Variants in DUSP4 observed in about 807,000 individuals in gnomAD.
The protein encoded by DUSP4 is dual specificity protein phosphatase 4.
In DUSP4, 12 loss-of-function variants were observed where a neutral mutation model predicts 27.2. The ratio of observed to expected loss-of-function variants is 0.44; its 90% confidence interval spans 0.28 to 0.71. The LOEUF (loss-of-function observed/expected upper bound fraction) is 0.71. Among genes scored for constraint, DUSP4 ranks in the 30% least tolerant of loss-of-function variants. The probability of loss-of-function intolerance (pLI) is 0.14; values close to 1 mark genes in which losing one functional copy is unlikely to be tolerated. For synonymous variants in DUSP4, 257 were observed against 245.2 expected, an observed-to-expected ratio of 1.05 and a Z score of -0.45; for missense variants, 448 against 551.3, an observed-to-expected ratio of 0.81 and a Z score of 1.88.
In DUSP4 at chr8:29,337,387, C is replaced by A; in HGVS notation, c.824G>T (p.Arg275Leu). 6.2e-7 allele frequency: 1 copy of A among 1,607,836 alleles called. No individual in the cohort carries two copies. The highest frequency in any genetic ancestry group is 8.5e-7 in the Non-Finnish European group (1 of 1,179,266). ...GCCCGCCTGGCAGTGCACCAGCACGCGCCCACGGCAGTCCTTCACGGCATC... is the reference window on the plus strand; with the variant it reads ...GCCCGCCTGGCAGTGCACCAGCACGAGCCCACGGCAGTCCTTCACGGCATC... Reference protein sequence around the residue: ...YIDAVKDCRGRVLVHCQAGIS... With the variant: ...YIDAVKDCRGLVLVHCQAGIS... The change falls in exon 4 of 4, where the codon CGC becomes CTC. Residue 275 changes from arginine (R) to leucine (L), a missense_variant. By Grantham distance (102) the Arg-to-Leu change is moderately radical. Transcript: ENST00000240100. The surrounding 1 kb of genome is among the most constrained non-coding windows in gnomAD (Gnocchi z 6.4).
chr8:29,335,228 C>T lies in DUSP4; in HGVS notation c.*1798G>A, dbSNP rs1817553577. 1 of 150,660 alleles carries T rather than the reference C, an allele frequency of 6.6e-6. No homozygotes were observed. The highest frequency in any genetic ancestry group is 1.5e-5 in the Non-Finnish European group (1 of 67,698). The allele number at this position is 150,660 out of a possible 1,614,324, so 9.3% of individuals were successfully genotyped here. A position where few individuals can be genotyped will look rare whatever the true frequency, so the allele number is the denominator to read the frequency against. ...CTCCCTCCCCCCCAAACCCTCCCCACAGAAAACGTGTCTCCCTCCAAAGCC... is the reference window on the plus strand; with the variant it reads ...CTCCCTCCCCCCCAAACCCTCCCCATAGAAAACGTGTCTCCCTCCAAAGCC... On this transcript the variant is annotated 3_prime_UTR_variant, in exon 4 of 4. Coordinates refer to ENST00000240100, the MANE Select transcript of DUSP4 (RefSeq NM_001394.7).
chr8:29,348,358 G>C (rs568879656), intron 1 of DUSP4: 2 of 985,676 alleles, frequency 2.0e-6, no homozygotes, highest in African/African-American at 1.7e-5. Flanking sequence ...ACCTGGCCCC[G>C]CTCAGCCGCC....
At position 29,337,104 on chromosome 8, in the gene DUSP4, C is replaced by A; in HGVS notation, c.1107G>T (p.Pro369=). ...GGGCCGAGTGCACGCCCACGGAGAC[C>A]GGAAAGCTGAAGACGAACTGCGAGG... ...TPTSQFVFSF[P]VSVGVHSAPS... Residue 369 remains proline (P), a synonymous_variant, in exon 4 of 4, where the codon CCG becomes CCT. Coordinates refer to ENST00000240100, the MANE Select transcript of DUSP4 (RefSeq NM_001394.7). This position sits in a 1 kb window ranked among gnomAD's most constrained non-coding sequence, Gnocchi z 6.4. 1 of 1,610,226 alleles carries A rather than the reference C, an allele frequency of 6.2e-7. No individual in the cohort carries two copies. The highest frequency in any genetic ancestry group is 8.5e-7 in the Non-Finnish European group (1 of 1,178,364).
At position 29,343,147 on chromosome 8, in the gene DUSP4, G is replaced by A. The variant is rs531402437; in HGVS notation, c.434-2904C>T. On this transcript the variant is annotated intron_variant, in intron 1 of 3. Coordinates refer to ENST00000240100, the MANE Select transcript of DUSP4 (RefSeq NM_001394.7). Reference sequence around the variant, plus strand: ...CGCGCCACTGCATTCCAGCCTGGGCGTCAGAGCGAGACTCCATCTCAAAAA... The same window carrying A: ...CGCGCCACTGCATTCCAGCCTGGGCATCAGAGCGAGACTCCATCTCAAAAA... 2.4e-3 allele frequency among the ~76,000 whole-genome samples: 321 copies of A among 134,642 alleles called. 6 individuals carry two copies. The highest frequency in any genetic ancestry group is 3.7e-3 in the Non-Finnish European group (243 of 66,014). 88.3% of individuals were successfully genotyped at this position (134,642 alleles called of 152,430 possible). A position where few individuals can be genotyped will look rare whatever the true frequency, so the allele number is the denominator to read the frequency against.
intron 1 of DUSP4, chr8:29,345,292 T>C (rs1817714462): frequency 6.5e-7 from 1 of 1,548,364 alleles, no homozygotes; most frequent in South Asian, 1.2e-5. Context: ...GGAACTCTAC[T>C]TTATGTGACT....
At chr8:29,347,677 C>T (rs935842650) in intron 1 of DUSP4, 5 of 895,730 alleles carry the variant, frequency 5.6e-6, no homozygotes, top group Admixed American at 1.2e-4. Context: ...TCTCCCTGCC[C>T]GCGTCGGGGC....
chr8:29,337,125 C>T lies in DUSP4; in HGVS notation c.1086G>A (p.Ser362=), dbSNP rs151032013. The T allele has an allele frequency of 1.3e-4, 213 of 1,610,574 alleles. No individual in the cohort carries two copies. In the African/African-American group the frequency reaches 2.6e-3, roughly 19 times the overall value. Residue 362 remains serine, a synonymous_variant, in exon 4 of 4, where the codon TCG becomes TCA. Coordinates refer to ENST00000240100, the MANE Select transcript of DUSP4 (RefSeq NM_001394.7). This position sits in a 1 kb window ranked among gnomAD's most constrained non-coding sequence, Gnocchi z 6.4. ...AGACCGGAAAGCTGAAGACGAACTG[C>T]GAGGTGGGGGTGGCGGGGGTCTTGC... ...ERGKTPATPT[S]QFVFSFPVSV...
At chr8:29,346,791 G>T (rs1343153192) in intron 1 of DUSP4, among the ~76,000 whole-genome samples, 1 of 152,214 alleles carries the variant, frequency 6.6e-6, no homozygotes, top group African/African-American at 2.4e-5. Context: ...GGAGTAACCA[G>T]TTCAACGTGG....
At position 29,335,074 on chromosome 8, in the gene DUSP4, G is replaced by A. The variant is rs949411569; in HGVS notation, c.*1952C>T. 4 of 151,892 alleles carry A rather than the reference G, an allele frequency of 2.6e-5. No individual in the cohort carries two copies. The highest frequency in any genetic ancestry group is 9.7e-5 in the African/African-American group (4 of 41,180). 9.4% of individuals were successfully genotyped at this position (151,892 alleles called of 1,614,324 possible). A position where few individuals can be genotyped will look rare whatever the true frequency, so the allele number is the denominator to read the frequency against. On this transcript the variant is annotated 3_prime_UTR_variant, in exon 4 of 4. Coordinates refer to ENST00000240100, the MANE Select transcript of DUSP4 (RefSeq NM_001394.7). The stretch of plus-strand genomic sequence containing the variant: ...TGAGCAAGAATGTTCATTAGATGTA[G>A]ACTCTCAAAGGGCTAAAAAAAACCA...
intron 1 of DUSP4, among the ~76,000 whole-genome samples, chr8:29,340,619 TAG>T (rs150457839): frequency 0.035 from 5,338 of 152,186 alleles, 118 homozygotes; most frequent in Middle Eastern, 0.051. Flanking sequence ...TAAGTACCTG[TAG>T]AGACACCTGC....
intron 1 of DUSP4, chr8:29,345,433 T>C: frequency 6.2e-7 from 1 of 1,614,100 alleles, no homozygotes; most frequent in Non-Finnish European, 8.5e-7. Flanking sequence ...AACGCCATGC[T>C]GGGGGCTCGA....
chr8:29,340,918 G>T lies in DUSP4; in HGVS notation c.434-675C>A, dbSNP rs184437668. Among the ~76,000 whole-genome samples the T allele has an allele frequency of 1.9e-3, 286 of 152,250 alleles. 3 individuals are homozygous for T. The highest frequency in any genetic ancestry group is 8.5e-3 in the South Asian group (41 of 4,818). ...TCTGTGGGATCATCTTCCAGAGAAGGGAGATCTTTTAAATAAAAAAAGAAG... is the reference window on the plus strand; with the variant it reads ...TCTGTGGGATCATCTTCCAGAGAAGTGAGATCTTTTAAATAAAAAAAGAAG... On this transcript the variant is annotated intron_variant, in intron 1 of 3. Transcript: ENST00000240100.
Position 29,350,324 on chromosome 8 carries a change from A to G in DUSP4, c.-46T>C, listed in dbSNP as rs1817804934. 2 of 1,529,902 alleles carry G rather than the reference A, an allele frequency of 1.3e-6. No individual in the cohort carries two copies. The highest frequency in any genetic ancestry group is 2.6e-5 in the South Asian group (2 of 78,236). 94.8% of individuals were successfully genotyped at this position (1,529,902 alleles called of 1,614,324 possible). On this transcript the variant is annotated 5_prime_UTR_variant, in exon 1 of 4. Coordinates refer to ENST00000240100, the MANE Select transcript of DUSP4 (RefSeq NM_001394.7). ...GCTGGGCGCGCGAGGAAGAGAAGAG[A>G]ACCCGGGCCGCCTAGGCTGCAGAAA...
Position 29,335,392 on chromosome 8 carries a change from A to AC in DUSP4, c.*1633dup, listed in dbSNP as rs1418684954. 6.6e-6 allele frequency: 1 copy of AC among 152,134 alleles called. No homozygotes were observed. The highest frequency in any genetic ancestry group is 1.5e-5 in the Non-Finnish European group (1 of 68,026). 9.4% of individuals were successfully genotyped at this position (152,134 alleles called of 1,614,324 possible). A position where few individuals can be genotyped will look rare whatever the true frequency, so the allele number is the denominator to read the frequency against. ...GCCCCCTCACCAGCAGTCAGCCCCA[A>AC]CCCCACCCTGGCGCTTTGATTTCCA... On this transcript the variant is annotated 3_prime_UTR_variant, in exon 4 of 4. Coordinates refer to ENST00000240100, the MANE Select transcript of DUSP4 (RefSeq NM_001394.7).
At chr8:29,344,430 T>G (rs1817698281) in intron 1 of DUSP4, among the ~76,000 whole-genome samples, 1 of 152,264 alleles carries the variant, frequency 6.6e-6, no homozygotes, top group Non-Finnish European at 1.5e-5. Context: ...GGTTTCTTAC[T>G]AATTTCAACC....
intron 1 of DUSP4, chr8:29,348,733 G>A: frequency 1.0e-6 from 1 of 985,692 alleles, no homozygotes; most frequent in South Asian, 4.7e-5. Context: ...AGGAAAGGAA[G>A]GGAGGGAGGC....
At chr8:29,347,904 A>G in intron 1 of DUSP4, 1 of 985,500 alleles carries the variant, frequency 1.0e-6, no homozygotes, top group Non-Finnish European at 1.2e-6. Flanking sequence ...AACGGGATTC[A>G]CGAGGGACAG....
At chr8:29,342,933 C>T (rs1054675179) in intron 1 of DUSP4, among the ~76,000 whole-genome samples, 12 of 152,178 alleles carry the variant, frequency 7.9e-5, no homozygotes, top group South Asian at 4.1e-4. Context: ...TTTGGGAGGC[C>T]GAGGCGGGTG....
chr8:29,337,149 G>T lies in DUSP4; in HGVS notation c.1062C>A (p.Gly354=). 1 of 1,611,110 alleles carries T rather than the reference G, an allele frequency of 6.2e-7. No individual in the cohort carries two copies. The highest frequency in any genetic ancestry group is 8.5e-7 in the Non-Finnish European group (1 of 1,178,844). The change falls in exon 4 of 4, where the codon GGC becomes GGA. Residue 354 remains glycine (G), a synonymous_variant. Transcript: ENST00000240100. This position sits in a 1 kb window ranked among gnomAD's most constrained non-coding sequence, Gnocchi z 6.4. ...ASPSGPLRER[G]KTPATPTSQF... is the part of the protein sequence containing the mutation. ...GCGAGGTGGGGGTGGCGGGGGTCTT[G>T]CCCCGCTCCCGCAGGGGTCCCGAGG...
Sources: gnomAD v4.1 joint callset for allele counts (sites outside exome capture counted in the v4.1 genomes callset) on GRCh38, gnomAD v4.1.1 for gene constraint, Gnocchi (gnomAD v3.1) non-coding constraint, MANE v1.5 for transcripts, NCBI Gene and HGNC (gene_info 2026-07-23, HGNC 2026-07-21) for gene names.